Variants in CTTNBP2 observed in about 807,000 individuals in gnomAD.
CTTNBP2 encodes the protein cortactin binding protein 2.
CTTNBP2 carries 108 observed loss-of-function variants against 156.9 expected under a neutral mutation model. The ratio of observed to expected loss-of-function variants is 0.69; its 90% CI spans 0.59 to 0.81. The LOEUF (loss-of-function observed/expected upper bound fraction) is 0.81. CTTNBP2 is among the 30% of genes least tolerant of loss of function. The probability of loss-of-function intolerance (pLI) is 0.00; values close to 1 mark genes in which losing one functional copy is unlikely to be tolerated. For missense variants in CTTNBP2, 1,924 were observed against 2,035.4 expected, an observed-to-expected ratio of 0.95 and a Z score of 1.05; for synonymous variants, 767 against 751.8, an observed-to-expected ratio of 1.02 and a Z score of -0.33.
chr7:117,733,074 C>A lies in CTTNBP2; in HGVS notation c.3876+1839G>T, dbSNP rs529305332. 3.3e-5 allele frequency among the ~76,000 whole-genome samples: 5 copies of A among 152,040 alleles called. No individual in the cohort carries two copies. In the East Asian group the frequency reaches 5.8e-4, roughly 18 times the overall value. ...AAAGCCTAGTATTGTCCTGAAAGGTCGATTTTCTTGTATCTCTCCAAGGAA... is the reference window on the plus strand; with the variant it reads ...AAAGCCTAGTATTGTCCTGAAAGGTAGATTTTCTTGTATCTCTCCAAGGAA... On this transcript the variant is annotated intron_variant, in intron 16 of 22. Coordinates refer to ENST00000160373, the MANE Select transcript of CTTNBP2 (RefSeq NM_033427.3).
At chr7:117,811,703 T>C (rs926472130) in intron 2 of CTTNBP2, among the ~76,000 whole-genome samples, 1 of 152,056 alleles carries the variant, frequency 6.6e-6, no homozygotes, top group African/African-American at 2.4e-5. Context: ...TTTAAAATAA[T>C]ATCAGGTTAA....
At chr7:117,815,637 G>T (rs955501131) in intron 2 of CTTNBP2, among the ~76,000 whole-genome samples, 13 of 152,156 alleles carry the variant, frequency 8.5e-5, no homozygotes, top group African/African-American at 2.7e-4. Context: ...AATGTATGCA[G>T]GGGCCAGGTA....
At chr7:117,774,383 G>A (rs1486128133) in intron 8 of CTTNBP2, among the ~76,000 whole-genome samples, 1 of 152,106 alleles carries the variant, frequency 6.6e-6, no homozygotes, top group Non-Finnish European at 1.5e-5. Flanking sequence ...AGGGGTCCCT[G>A]AACCCCCGGG....
intron 8 of CTTNBP2, among the ~76,000 whole-genome samples, chr7:117,769,560 G>A (rs1225462113): frequency 6.6e-6 from 1 of 152,180 alleles, no homozygotes; most frequent in African/African-American, 2.4e-5. Context: ...AGAGAAGTCT[G>A]GAAGTCTGGC....
intron 17 of CTTNBP2, among the ~76,000 whole-genome samples, chr7:117,727,480 A>G (rs1439552974): frequency 6.6e-6 from 1 of 152,178 alleles, no homozygotes; most frequent in Non-Finnish European, 1.5e-5. Flanking sequence ...GGCATGAACC[A>G]CTACATCCAG....
intron 9 of CTTNBP2, among the ~76,000 whole-genome samples, chr7:117,762,895 A>T (rs1370332459): frequency 6.6e-6 from 1 of 152,182 alleles, no homozygotes; most frequent in Non-Finnish European, 1.5e-5. Context: ...TTCCTCAGAC[A>T]CAACAGGAAT....
chr7:117,717,290 T>C (rs2116348011), intron 22 of CTTNBP2, among the ~76,000 whole-genome samples: 2 of 152,266 alleles, frequency 1.3e-5, no homozygotes, highest in East Asian at 3.9e-4. Flanking sequence ...GTAATGCATG[T>C]TATGGAAAGT....
Position 117,734,917 on chromosome 7 carries a change from T to C in CTTNBP2, c.3872A>G (p.Asn1291Ser), listed in dbSNP as rs757929926. 3 of 1,589,756 alleles carry C rather than the reference T, an allele frequency of 1.9e-6. No homozygotes were observed. The highest frequency in any genetic ancestry group is 2.6e-6 in the Non-Finnish European group (3 of 1,163,848). ...GCTGCACTTGCTGTTTGTTACCTTA[T>C]TCACAACTTTCCTTCGTAAGAACCT... Reference protein sequence around the residue: ...LQRFLRRKVVNKFKGQAPSPC... With the variant: ...LQRFLRRKVVSKFKGQAPSPC... Residue 1291 changes from asparagine (N) to serine (S), a missense_variant, in exon 16 of 23, where the codon AAT becomes AGT. Transcript: ENST00000160373.
intron 2 of CTTNBP2, among the ~76,000 whole-genome samples, chr7:117,826,872 ATT>A (rs2117055866): frequency 1.1e-5 from 1 of 90,896 alleles, no homozygotes; most frequent in East Asian, 2.7e-4. Flanking sequence ...TATTATTATT[ATT>A]ATTTTGAGAT....
rs34693983 is a variant in CTTNBP2, at chr7:117,864,326, C to A, written c.82-3010G>T. On this transcript the variant is annotated intron_variant, in intron 1 of 22. Transcript: ENST00000160373. ...GATGTACTGTTTGAAACATACAGTG[C>A]ATCTGTCTGCTTGTCTCTCTTCCCT... Among the ~76,000 whole-genome samples the A allele has an allele frequency of 6.8e-3, 1,035 of 152,130 alleles. 14 individuals carry two copies. The highest frequency in any genetic ancestry group is 0.024 in the African/African-American group (977 of 41,500).
chr7:117,727,006 T>C (rs1795128375), intron 17 of CTTNBP2, among the ~76,000 whole-genome samples: 1 of 152,208 alleles, frequency 6.6e-6, no homozygotes, highest in South Asian at 2.1e-4. Flanking sequence ...AAATGATTCC[T>C]AAGAATCTTG....
chr7:117,795,843 A>C (rs2116886530), intron 3 of CTTNBP2, among the ~76,000 whole-genome samples: 1 of 152,362 alleles, frequency 6.6e-6, no homozygotes, highest in Admixed American at 6.5e-5. Context: ...AGAGCAGAGC[A>C]CAGAGGAAAC....
chr7:117,866,223 C>T (rs1367752167), intron 1 of CTTNBP2, among the ~76,000 whole-genome samples: 1 of 152,014 alleles, frequency 6.6e-6, no homozygotes, highest in African/African-American at 2.4e-5. Context: ...TTCCCCCTCC[C>T]CAAATCTAAA....
chr7:117,711,842 C>G (rs1437957034), intron 22 of CTTNBP2, 60 bp from the exon 23 acceptor site: 1 of 1,510,954 alleles, frequency 6.6e-7, no homozygotes, highest in East Asian at 2.3e-5. Context: ...TGAGCCCTAC[C>G]CCTGCCTCCT....
Position 117,868,246 on chromosome 7 carries a change from T to C in CTTNBP2, c.81+5089A>G, listed in dbSNP as rs557008248. On this transcript the variant is annotated intron_variant, in intron 1 of 22. Transcript: ENST00000160373. ...CAATGCATTAAAGAATAGTCTTGAT[T>C]ATCTGTAGGTGGCAAATATCTGCAC... is the stretch of plus-strand genomic sequence containing the variant. Among the ~76,000 whole-genome samples the C allele has an allele frequency of 9.2e-5, 14 of 152,342 alleles. No individual in the cohort carries two copies. In the East Asian group the frequency reaches 1.5e-3, roughly 17 times the overall value.
intron 8 of CTTNBP2, among the ~76,000 whole-genome samples, chr7:117,770,264 G>A (rs778069555): frequency 8.5e-5 from 13 of 152,170 alleles, no homozygotes; most frequent in Non-Finnish European, 1.5e-4. Flanking sequence ...ATTTCTGGCC[G>A]TCAAAGTAGG....
intron 22 of CTTNBP2, among the ~76,000 whole-genome samples, chr7:117,717,317 T>A (rs1400528610): frequency 6.6e-6 from 1 of 150,982 alleles, no homozygotes; most frequent in Non-Finnish European, 1.5e-5. Context: ...GAAATAAAAT[T>A]GAGATTTTTT....
intron 2 of CTTNBP2, among the ~76,000 whole-genome samples, chr7:117,822,867 G>A (rs529486229): frequency 6.6e-6 from 1 of 152,150 alleles, no homozygotes; most frequent in Non-Finnish European, 1.5e-5. Context: ...GTGGCTGAGG[G>A]TGTTTATGTT....
At chr7:117,853,680 A>G (rs2117205243) in intron 2 of CTTNBP2, among the ~76,000 whole-genome samples, 1 of 152,282 alleles carries the variant, frequency 6.6e-6, no homozygotes, top group Non-Finnish European at 1.5e-5. Flanking sequence ...TCCTGGTTTC[A>G]TTCTATTTGT....
Sources: allele counts gnomAD v4.1 joint callset (sites outside exome capture counted in the v4.1 genomes callset), GRCh38; gene constraint gnomAD v4.1.1; transcripts MANE v1.5; gene names NCBI Gene and HGNC (gene_info 2026-07-23, HGNC 2026-07-21).